Variants in PLD3 observed in about 807,000 individuals in gnomAD.
PLD3 encodes phospholipase D family member 3.
Under a neutral mutation model 58.4 loss-of-function variants are expected in PLD3, and 31 were observed. The ratio of observed to expected loss-of-function variants is 0.53; its 90% CI spans 0.40 to 0.72. The LOEUF (loss-of-function observed/expected upper bound fraction) is 0.72, where lower values mean the gene tolerates loss of function less well. PLD3 is among the 30% of genes least tolerant of loss of function. The pLI is 0.00. For missense variants in PLD3, 595 were observed against 659.8 expected, an observed-to-expected ratio of 0.90 and a Z score of 1.08; for synonymous variants, 264 against 273.4, an observed-to-expected ratio of 0.97 and a Z score of 0.34.
rs537389538 is a variant in PLD3 at position 40,370,098 on chromosome 19, T to C, written c.551-12T>C. ...CAGCCTGGCCCCTGATCTCTGCCCC[T>C]GCTGGTCACAGGTGCCCAGGTCCGC... On this transcript the variant is annotated splice_polypyrimidine_tract_variant and intron_variant, in intron 7 of 12. Transcript: ENST00000409735. 1.6e-5 allele frequency: 25 copies of C among 1,604,618 alleles called. No homozygotes were observed. Among genetic ancestry groups the C allele is most frequent in the Admixed American group, 8.6e-5 (5 of 58,294 alleles).
intron 1 of PLD3, among the ~76,000 whole-genome samples, chr19:40,361,843 CT>C (rs71171562): frequency 0.18 from 26,556 of 148,326 alleles, 2,324 homozygotes; most frequent in African/African-American, 0.22. Context: ...TTATTATCAC[CT>C]TTTTTTTTTA....
Position 40,371,818 on chromosome 19 carries a change from A to G in PLD3, c.824A>G (p.Gln275Arg). The G allele has an allele frequency of 6.2e-7, 1 of 1,614,144 alleles. No homozygotes were observed. Among genetic ancestry groups the G allele is most frequent in the Non-Finnish European group, 8.5e-7 (1 of 1,180,032 alleles). ...WPRFYDTRYN[Q>R]ETPMEICLNG... is the part of the protein sequence containing the mutation. ...CGGTTCTATGACACCCGCTACAACC[A>G]AGAGACACCAATGGAGATCTGCCTC... Residue 275 changes from glutamine (Q) to arginine (R), a missense_variant, in exon 9 of 13, where the codon CAA becomes CGA. Gln to Arg is a conservative substitution (Grantham distance 43, BLOSUM62 1). Coordinates refer to ENST00000409735, the MANE Select transcript of PLD3 (RefSeq NM_012268.4).
At chr19:40,356,374 T>G (rs7507651) in intron 1 of PLD3, 58,043 of 152,362 alleles carry the variant, frequency 0.38, 12,677 homozygotes, top group South Asian at 0.62. Flanking sequence ...GAGGTCGGAT[T>G]GCAAGGATTG....
intron 9 of PLD3, 28 bp downstream of exon 9, chr19:40,371,901 A>T: frequency 6.3e-7 from 1 of 1,574,984 alleles, no homozygotes; most frequent in Non-Finnish European, 8.7e-7. Context: ...GGGGCCTGTC[A>T]TGTCCCAGCC....
At position 40,378,363 on chromosome 19, in the gene PLD3, C is replaced by T. The variant is rs969763170; in HGVS notation, c.*190C>T. ...GCTGTGGCCCCGGGACCCAGCAGAG[C>T]TGGGGGAGGGATCAGCCCCCAAAGA... On this transcript the variant is annotated 3_prime_UTR_variant, in exon 13 of 13. Coordinates refer to ENST00000409735, the MANE Select transcript of PLD3 (RefSeq NM_012268.4). 1.3e-5 allele frequency: 9 copies of T among 699,374 alleles called. No homozygotes were observed. In the African/African-American group the frequency reaches 1.6e-4, roughly 12 times the overall value. 43.3% of individuals were successfully genotyped at this position (699,374 alleles called of 1,614,324 possible).
At chr19:40,352,081 G>C (rs2078531747) in intron 1 of PLD3, among the ~76,000 whole-genome samples, 1 of 152,150 alleles carries the variant, frequency 6.6e-6, no homozygotes, top group Admixed American at 6.6e-5. Context: ...AAACCACCCT[G>C]ACCAACATGG....
chr19:40,367,556 T>C, intron 5 of PLD3, 140 bp from the exon 6 acceptor site: 1 of 671,100 alleles, frequency 1.5e-6, no homozygotes, highest in Non-Finnish European at 2.4e-6. Context: ...GCTTCCAGCC[T>C]GGGGGACAGG....
At chr19:40,374,369 A>G in intron 9 of PLD3, 112 bp from the exon 10 acceptor site, 1 of 1,128,550 alleles carries the variant, frequency 8.9e-7, no homozygotes, top group Non-Finnish European at 1.3e-6. Flanking sequence ...ATGGAGGCTG[A>G]GGATTTGGTG....
At chr19:40,367,401 T>G in intron 5 of PLD3, 1 of 310,594 alleles carries the variant, frequency 3.2e-6, no homozygotes, top group Non-Finnish European at 6.0e-6. Context: ...GGCAATGTAG[T>G]GCGGCTCCAT....
intron 1 of PLD3, among the ~76,000 whole-genome samples, chr19:40,365,051 T>A (rs1414249100): frequency 2.0e-5 from 3 of 152,186 alleles, no homozygotes; most frequent in African/African-American, 7.2e-5. Flanking sequence ...GACAACCACT[T>A]CTGCCCTGTT....
chr19:40,378,340 T>G lies in PLD3; in HGVS notation c.*167T>G. ...ACCTCCACCCCCACCGGCCTGACGC[T>G]GTGGCCCCGGGACCCAGCAGAGCTG... On this transcript the variant is annotated 3_prime_UTR_variant, in exon 13 of 13. Transcript: ENST00000409735. 1 of 736,252 alleles carries G rather than the reference T, an allele frequency of 1.4e-6. No individual in the cohort carries two copies. The allele number at this position is 736,252 out of a possible 1,614,324, so 45.6% of individuals were successfully genotyped here.
chr19:40,372,630 T>C, intron 9 of PLD3, among the ~76,000 whole-genome samples: 1 of 94,212 alleles, frequency 1.1e-5, no homozygotes, highest in East Asian at 3.8e-4. Context: ...ATCATTTCTT[T>C]CTATTTTTTT....
intron 8 of PLD3, among the ~76,000 whole-genome samples, chr19:40,371,141 T>G (rs2145694978): frequency 6.6e-6 from 1 of 152,298 alleles, no homozygotes; most frequent in Middle Eastern, 3.4e-3. Flanking sequence ...GGCAATGAGG[T>G]GAAGATAAGA....
Position 40,366,487 on chromosome 19 carries a change from AAG to A in PLD3, c.5_6del (p.Lys2ThrfsTer2). ...TATCCCCCAGCCTTGAGGGAAGATG[AAG>A]CCTAAACTGATGTACCAGGAGGTAG... is the stretch of plus-strand genomic sequence containing the variant. M[K>X]PKLMYQELKV... is the part of the protein sequence containing the mutation. On this transcript the variant is annotated frameshift_variant, in exon 3 of 13. Coordinates refer to ENST00000409735, the MANE Select transcript of PLD3 (RefSeq NM_012268.4). LOFTEE classifies it high-confidence loss of function. The A allele has an allele frequency of 6.2e-7, 1 of 1,613,878 alleles. No individual in the cohort carries two copies. Among genetic ancestry groups the A allele is most frequent in the African/African-American group, 1.3e-5 (1 of 74,996 alleles).
At chr19:40,358,462 G>C (rs974314543) in intron 1 of PLD3, 3 of 152,288 alleles carry the variant, frequency 2.0e-5, no homozygotes, top group African/African-American at 7.2e-5. Flanking sequence ...ATGTTGGCCA[G>C]GCTGGTCTCG....
chr19:40,365,174 C>G (rs576917782), intron 1 of PLD3, among the ~76,000 whole-genome samples: 19 of 152,016 alleles, frequency 1.2e-4, no homozygotes, highest in Non-Finnish European at 1.9e-4. Context: ...AGGTGCCACC[C>G]TGCCGTGAAA....
At chr19:40,364,745 G>A (rs1187320431) in intron 1 of PLD3, among the ~76,000 whole-genome samples, 4 of 150,478 alleles carry the variant, frequency 2.7e-5, no homozygotes. Context: ...GCAGTGAGCC[G>A]AGATGGCGCC....
intron 1 of PLD3, chr19:40,360,053 G>A (rs1265527664): frequency 6.6e-6 from 1 of 152,040 alleles, no homozygotes; most frequent in African/African-American, 2.4e-5. Flanking sequence ...CTCAAATGTT[G>A]TATGTTCAAA....
At chr19:40,373,567 A>G (rs2079116763) in intron 9 of PLD3, among the ~76,000 whole-genome samples, 1 of 133,360 alleles carries the variant, frequency 7.5e-6, no homozygotes, top group Non-Finnish European at 1.6e-5. Context: ...ACAGAGTGAG[A>G]CTCCACTTCA....
Sources: gnomAD v4.1 joint callset for allele counts (sites outside exome capture counted in the v4.1 genomes callset) on GRCh38, gnomAD v4.1.1 for gene constraint, MANE v1.5 for transcripts, NCBI Gene and HGNC (gene_info 2026-07-23, HGNC 2026-07-21) for gene names.